Variants in PLD1 observed in about 807,000 individuals in gnomAD.
PLD1 encodes the protein phospholipase D1.
A neutral mutation model predicts 137.1 loss-of-function variants in PLD1; 112 were observed. The ratio of observed to expected loss-of-function variants is 0.82; its 90% CI spans 0.70 to 0.96. The LOEUF (loss-of-function observed/expected upper bound fraction) is 0.96. Ranked by LOEUF, PLD1 falls within the 40% of genes least tolerant of loss-of-function variation. The pLI, the probability that PLD1 is intolerant of heterozygous loss-of-function variation, is 0.00. For missense variants in PLD1, 1,321 were observed against 1,342.0 expected (o/e 0.98, Z 0.24); for synonymous variants, 431 against 454.7 (o/e 0.95, Z 0.66).
intron 8 of PLD1, among the ~76,000 whole-genome samples, chr3:171,719,184 C>G (rs1390651908): frequency 6.6e-6 from 1 of 152,158 alleles, no homozygotes; most frequent in Non-Finnish European, 1.5e-5. Flanking sequence ...AATCAAACCT[C>G]TCCTTAAAAA....
At chr3:171,686,123 CAAA>C (rs370165481) in intron 16 of PLD1, among the ~76,000 whole-genome samples, 6 of 74,344 alleles carry the variant, frequency 8.1e-5, no homozygotes, top group Admixed American at 1.6e-4. Flanking sequence ...GACTCTATCT[CAAA>C]AAAAAAAAAA....
intron 19 of PLD1, among the ~76,000 whole-genome samples, chr3:171,668,941 C>T (rs1208111378): frequency 6.6e-6 from 1 of 152,238 alleles, no homozygotes; most frequent in East Asian, 1.9e-4. Context: ...ATCTCTCCCA[C>T]TTCCTCCTGC....
intron 23 of PLD1, among the ~76,000 whole-genome samples, chr3:171,622,597 T>A (rs751260601): frequency 1.3e-5 from 2 of 151,720 alleles, no homozygotes; most frequent in African/African-American, 2.4e-5. Flanking sequence ...ATGAAGAAAG[T>A]AGGAAATGAT....
intron 24 of PLD1, among the ~76,000 whole-genome samples, chr3:171,619,063 A>C (rs779703013): frequency 2.0e-5 from 3 of 152,168 alleles, no homozygotes; most frequent in African/African-American, 7.2e-5. Context: ...CATGACATTT[A>C]GTTTCTTGAA....
At chr3:171,802,090 C>T (rs747709324) in intron 1 of PLD1, among the ~76,000 whole-genome samples, 1 of 152,106 alleles carries the variant, frequency 6.6e-6, no homozygotes, top group Admixed American at 6.5e-5. Flanking sequence ...CAGAAAAGAA[C>T]AATTAGGAAA....
chr3:171,713,396 G>C (rs1369006794), intron 9 of PLD1, among the ~76,000 whole-genome samples: 1 of 152,184 alleles, frequency 6.6e-6, no homozygotes, highest in African/African-American at 2.4e-5. Context: ...GAAAGATAGA[G>C]TTTCAGTGAG....
chr3:171,773,079 G>A (rs1206313153), intron 1 of PLD1, among the ~76,000 whole-genome samples: 1 of 152,222 alleles, frequency 6.6e-6, no homozygotes, highest in Non-Finnish European at 1.5e-5. Flanking sequence ...CAGTCTGTAT[G>A]TCTGTATTCC....
chr3:171,790,573 G>A (rs139218248), intron 1 of PLD1, among the ~76,000 whole-genome samples: 89 of 152,342 alleles, frequency 5.8e-4, no homozygotes, highest in African/African-American at 2.1e-3. Flanking sequence ...GAGATGCACA[G>A]TGAGGTGTGG....
intron 9 of PLD1, among the ~76,000 whole-genome samples, chr3:171,710,193 T>TG (rs1357025624): frequency 6.6e-6 from 1 of 152,166 alleles, no homozygotes; most frequent in African/African-American, 2.4e-5. Flanking sequence ...CTCGAGTAGC[T>TG]GGGACTACAG....
intron 12 of PLD1, 77 bp downstream of exon 12, chr3:171,699,668 G>C: frequency 9.9e-7 from 1 of 1,013,770 alleles, no homozygotes. Context: ...ACGTGTGAAA[G>C]GCTTTGAAAA....
At chr3:171,760,677 A>G (rs1443310018) in intron 1 of PLD1, among the ~76,000 whole-genome samples, 2 of 152,216 alleles carry the variant, frequency 1.3e-5, no homozygotes, top group African/African-American at 2.4e-5. Context: ...ACCTGGAGAC[A>G]CATGTTAATT....
chr3:171,787,668 T>G (rs536247118), intron 1 of PLD1, among the ~76,000 whole-genome samples: 2 of 152,282 alleles, frequency 1.3e-5, no homozygotes, highest in African/African-American at 4.8e-5. Context: ...TGGTGTGGTA[T>G]GTGTATGTGT....
intron 1 of PLD1, among the ~76,000 whole-genome samples, chr3:171,808,868 A>C (rs1055526646): frequency 8.8e-6 from 1 of 113,120 alleles, no homozygotes; most frequent in African/African-American, 3.6e-5. Flanking sequence ...CCTGTCGCCC[A>C]GGCTGGCGTG....
chr3:171,680,354 C>A (rs1713853872), intron 16 of PLD1, among the ~76,000 whole-genome samples: 1 of 149,556 alleles, frequency 6.7e-6, no homozygotes, highest in Non-Finnish European at 1.5e-5. Flanking sequence ...CCTGCCTCAG[C>A]CTCCCGAGTA....
At chr3:171,715,298 C>G (rs1717587817) in intron 8 of PLD1, among the ~76,000 whole-genome samples, 1 of 152,158 alleles carries the variant, frequency 6.6e-6, no homozygotes, top group African/African-American at 2.4e-5. Flanking sequence ...GTTCTCTATT[C>G]TGTTCTACTG....
intron 1 of PLD1, among the ~76,000 whole-genome samples, chr3:171,738,919 T>C (rs960445974): frequency 8.5e-5 from 13 of 152,238 alleles, no homozygotes; most frequent in Admixed American, 3.9e-4. Context: ...CTGTTTTGCC[T>C]GATGTAGAAA....
intron 23 of PLD1, among the ~76,000 whole-genome samples, chr3:171,639,666 AATAT>A (rs1348841498): frequency 8.3e-6 from 1 of 120,416 alleles, no homozygotes; most frequent in Non-Finnish European, 1.6e-5. Flanking sequence ...ATATTCATAT[AATAT>A]ATATTATATA....
chr3:171,783,962 A>G (rs1428582258), intron 1 of PLD1, among the ~76,000 whole-genome samples: 1 of 152,074 alleles, frequency 6.6e-6, no homozygotes, highest in Non-Finnish European at 1.5e-5. Context: ...TCTTAACTGT[A>G]ACACTCTCCA....
chr3:171,768,671 G>A (rs966510482), intron 1 of PLD1, among the ~76,000 whole-genome samples: 7 of 152,170 alleles, frequency 4.6e-5, no homozygotes, highest in East Asian at 1.9e-4. Flanking sequence ...CGTTTGGGGC[G>A]TAGCCAATTC....
Sources: gnomAD v4.1 joint callset for allele counts (sites outside exome capture counted in the v4.1 genomes callset) on GRCh38, gnomAD v4.1.1 for gene constraint, MANE v1.5 for transcripts, NCBI Gene and HGNC (gene_info 2026-07-23, HGNC 2026-07-21) for gene names.